The following POLR1D variants were observed in gnomAD, a reference collection of about 807,000 sequenced individuals.
POLR1D encodes the protein DNA-directed RNA polymerases I and III subunit RPAC2.
A neutral mutation model predicts 10.8 loss-of-function variants in POLR1D; 8 were observed. The observed-to-expected ratio is 0.74, with a 90% CI of 0.43 to 1.33. The LOEUF is 1.33. Among genes scored for constraint, POLR1D ranks in the 40% most tolerant of loss-of-function variants. The pLI, the probability that POLR1D is intolerant of heterozygous loss-of-function variation, is 0.01. For synonymous variants in POLR1D, 54 were observed against 57.2 expected (o/e 0.94, Z 0.25); for missense variants, 152 against 161.7 (o/e 0.94, Z 0.32).
At chr13:27,664,998 A>T (rs1956401311) in intron 2 of POLR1D, 1 of 152,590 alleles carries the variant, frequency 6.6e-6, no homozygotes, top group Admixed American at 6.5e-5. Context: ...AAGCACATTA[A>T]TTAGCAATTT....
chr13:27,634,055 A>G (rs965669804), intron 1 of POLR1D, among the ~76,000 whole-genome samples: 5 of 152,142 alleles, frequency 3.3e-5, no homozygotes, highest in African/African-American at 7.2e-5. Context: ...ACTTGATTCT[A>G]CAGTTTTATT....
In POLR1D at chr13:27,623,341, A is replaced by C; in HGVS notation, c.*91A>C. The C allele has an allele frequency of 6.3e-7, 1 of 1,583,480 alleles. No homozygotes were observed. The highest frequency in any genetic ancestry group is 8.6e-7 in the Non-Finnish European group (1 of 1,165,654). Reference sequence around the variant, plus strand: ...AGAATTAGAAGTTTGTGGTTACAGCATACTCTGTCCTTCAGAAAGGCGTGA... The same window carrying C: ...AGAATTAGAAGTTTGTGGTTACAGCCTACTCTGTCCTTCAGAAAGGCGTGA... On this transcript the variant is annotated 3_prime_UTR_variant, in exon 2 of 2. Coordinates refer to ENST00000302979, the MANE Select transcript of POLR1D (RefSeq NM_015972.4).
At chr13:27,665,254 T>C (rs1036011277) in intron 2 of POLR1D, 3 of 187,970 alleles carry the variant, frequency 1.6e-5, no homozygotes, top group African/African-American at 7.1e-5. Context: ...CAGCAGAATA[T>C]ACTTTTTAGT....
At chr13:27,629,429 A>G (rs886677686) in intron 1 of POLR1D, among the ~76,000 whole-genome samples, 17 of 152,256 alleles carry the variant, frequency 1.1e-4, no homozygotes, top group African/African-American at 4.1e-4. Flanking sequence ...ACCATAAAGC[A>G]TACTCTCAAT....
At chr13:27,656,342 GTGTGTC>G (rs768444880) in intron 2 of POLR1D, among the ~76,000 whole-genome samples, 175 of 152,290 alleles carry the variant, frequency 1.1e-3, no homozygotes, top group African/African-American at 3.7e-3. Context: ...CCATATCTGT[GTGTGTC>G]TGTGTCTGTG....
At chr13:27,640,469 G>A (rs1462610528) in intron 1 of POLR1D, among the ~76,000 whole-genome samples, 2 of 152,140 alleles carry the variant, frequency 1.3e-5, no homozygotes, top group Non-Finnish European at 2.9e-5. Context: ...CCTTCATCTT[G>A]GCATGAATGC....
At chr13:27,662,515 A>T (rs9551373) in intron 2 of POLR1D, among the ~76,000 whole-genome samples, 31,413 of 152,132 alleles carry the variant, frequency 0.21, 3,732 homozygotes, top group East Asian at 0.56. Context: ...TGTCATAAAA[A>T]TAACTTGGTT....
downstream of POLR1D, among the ~76,000 whole-genome samples, chr13:27,624,854 C>T (rs977610856): frequency 2.0e-5 from 3 of 152,156 alleles, no homozygotes; most frequent in Non-Finnish European, 4.4e-5. Context: ...CACCATTGCA[C>T]TCCAGCCTGG....
intron 2 of POLR1D, among the ~76,000 whole-genome samples, chr13:27,656,308 A>C (rs558839032): frequency 6.6e-6 from 1 of 152,366 alleles, no homozygotes; most frequent in African/African-American, 2.4e-5. Flanking sequence ...AAAAGCTTCT[A>C]CAAATCAGTT....
chr13:27,635,201 A>C (rs1055052389), intron 1 of POLR1D, among the ~76,000 whole-genome samples: 3 of 152,228 alleles, frequency 2.0e-5, no homozygotes, highest in Non-Finnish European at 4.4e-5. Context: ...AGGTTTACTG[A>C]CAATACTTGG....
At chr13:27,635,696 C>CTATATATATATATATATATA (rs3081355) in intron 1 of POLR1D, among the ~76,000 whole-genome samples, 1 of 140,576 alleles carries the variant, frequency 7.1e-6, no homozygotes, top group African/African-American at 2.6e-5. Context: ...TACAAAGTAA[C>CTATATATATATATATATATA]TATATATATA....
At chr13:27,649,458 A>G (rs1302043823) in intron 2 of POLR1D, among the ~76,000 whole-genome samples, 3 of 152,206 alleles carry the variant, frequency 2.0e-5, no homozygotes, top group Admixed American at 2.0e-4. Flanking sequence ...AAATAACTAC[A>G]AAGAAATTGT....
downstream of POLR1D, among the ~76,000 whole-genome samples, chr13:27,627,747 T>TTTTTTTTTTTTC (rs1566142755): frequency 7.4e-6 from 1 of 135,100 alleles, no homozygotes; most frequent in Non-Finnish European, 1.6e-5. Flanking sequence ...TTTTTTTTTT[T>TTTTTTTTTTTTC]TTTGTCCCAT....
downstream of POLR1D, among the ~76,000 whole-genome samples, chr13:27,627,906 AAAAG>A: frequency 6.6e-6 from 1 of 152,272 alleles, no homozygotes; most frequent in Non-Finnish European, 1.5e-5. Flanking sequence ...CTTAAACAAA[AAAAG>A]TAACTTGGAG....
At chr13:27,624,532 G>C (rs184427201), downstream of POLR1D, among the ~76,000 whole-genome samples, 1 of 152,238 alleles carries the variant, frequency 6.6e-6, no homozygotes, top group African/African-American at 2.4e-5. Flanking sequence ...AGGCCTTGGG[G>C]ATAGATATAT....
At chr13:27,621,566 C>G (rs1270487881), upstream of POLR1D, 1 of 154,004 alleles carries the variant, frequency 6.5e-6, no homozygotes, top group East Asian at 1.9e-4. Flanking sequence ...GGACTTGCCA[C>G]TGGGAAGGGA....
At chr13:27,635,764 C>T (rs1956120133) in intron 1 of POLR1D, among the ~76,000 whole-genome samples, 1 of 148,888 alleles carries the variant, frequency 6.7e-6, no homozygotes, top group South Asian at 2.1e-4. Flanking sequence ...TATTTAATCC[C>T]CCTAAGAATT....
chr13:27,645,864 T>C (rs1956215911), intron 1 of POLR1D, among the ~76,000 whole-genome samples: 1 of 152,218 alleles, frequency 6.6e-6, no homozygotes, highest in African/African-American at 2.4e-5. Flanking sequence ...GTAAAATTAA[T>C]AACAGTGCTA....
intron 2 of POLR1D, among the ~76,000 whole-genome samples, chr13:27,653,108 G>A (rs527952341): frequency 6.0e-5 from 9 of 151,122 alleles, no homozygotes; most frequent in Non-Finnish European, 1.2e-4. Flanking sequence ...TCACCATCTT[G>A]GCCAGGCTGG....
Sources: gnomAD v4.1 joint callset for allele counts (sites outside exome capture counted in the v4.1 genomes callset) on GRCh38, gnomAD v4.1.1 for gene constraint, MANE v1.5 for transcripts, NCBI Gene and HGNC (gene_info 2026-07-23, HGNC 2026-07-21) for gene names.